The following LRBA variants were observed in gnomAD, a reference collection of about 807,000 sequenced individuals.
LRBA encodes LPS responsive beige-like anchor protein.
Under a neutral mutation model 330.0 loss-of-function variants are expected in LRBA, and 176 were observed. That is an observed-to-expected ratio of 0.53 (90% CI 0.47 to 0.60). The LOEUF (loss-of-function observed/expected upper bound fraction) is 0.60, where lower values mean the gene tolerates loss of function less well. Among genes scored for constraint, LRBA ranks in the 20% least tolerant of loss-of-function variants. The pLI is 0.00. For synonymous variants in LRBA, 1,230 were observed against 1,193.0 expected (o/e 1.03, Z -0.64); for missense variants, 3,259 against 3,444.8 (o/e 0.95, Z 1.35).
At chr4:150,331,664 T>C (rs940798826) in intron 48 of LRBA, among the ~76,000 whole-genome samples, 3 of 152,176 alleles carry the variant, frequency 2.0e-5, no homozygotes, top group Non-Finnish European at 4.4e-5. Context: ...TAAAAGTATC[T>C]TACAATGACC....
Position 150,908,610 on chromosome 4 carries a change from C to T in LRBA, c.1359+50G>A, listed in dbSNP as rs749541769. 1.2e-5 allele frequency: 18 copies of T among 1,521,796 alleles called. No homozygotes were observed. The African/African-American group carries it at 2.4e-4, about 20-fold the overall frequency. 94.3% of individuals were successfully genotyped at this position (1,521,796 alleles called of 1,614,324 possible). On this transcript the variant is annotated intron_variant, in intron 10 of 56. Transcript: ENST00000651943. ...GAAGCTACCAAATACATCTCAATAA[C>T]ACATCAAAAATTACCATTATAAATG...
intron 46 of LRBA, among the ~76,000 whole-genome samples, chr4:150,422,440 G>C (rs950326688): frequency 6.6e-6 from 1 of 151,890 alleles, no homozygotes; most frequent in African/African-American, 2.4e-5. Flanking sequence ...TTAACAACTA[G>C]AAAAGGAAGA....
Position 150,479,279 on chromosome 4 carries a change from T to TA in LRBA, c.6552-7541dup, listed in dbSNP as rs1382416042. Among the ~76,000 whole-genome samples the TA allele has an allele frequency of 7.3e-5, 11 of 150,668 alleles. No homozygotes were observed. The South Asian group carries it at 8.4e-4, about 11-fold the overall frequency. ...GGGTGACATAGCAAGACCCTGCCTT[T>TA]AAAAAAAAAGGACATCTAGCTTTAA... On this transcript the variant is annotated intron_variant, in intron 42 of 56. Transcript: ENST00000651943.
chr4:150,683,207 T>C (rs2126914282), intron 37 of LRBA, among the ~76,000 whole-genome samples: 1 of 152,258 alleles, frequency 6.6e-6, no homozygotes, highest in Non-Finnish European at 1.5e-5. Flanking sequence ...AAAATTTGGC[T>C]ATAAGTGTAG....
intron 35 of LRBA, among the ~76,000 whole-genome samples, chr4:150,752,288 G>A (rs747532765): frequency 3.3e-5 from 5 of 151,928 alleles, no homozygotes; most frequent in African/African-American, 7.2e-5. Flanking sequence ...ATCTCTCTCT[G>A]TCTCTCACCC....
At chr4:150,739,781 C>T (rs933599733) in intron 35 of LRBA, among the ~76,000 whole-genome samples, 4 of 152,094 alleles carry the variant, frequency 2.6e-5, no homozygotes, top group Admixed American at 2.0e-4. Flanking sequence ...GACAACAGCC[C>T]GCAAAGAATT....
intron 40 of LRBA, among the ~76,000 whole-genome samples, chr4:150,547,971 AG>A (rs1766057334): frequency 1.3e-5 from 2 of 152,170 alleles, no homozygotes; most frequent in South Asian, 4.1e-4. Flanking sequence ...TTACAATGCC[AG>A]GGAACAAATG....
chr4:150,724,903 T>TACATATATATATGTATATATAC (rs1553946795), intron 36 of LRBA, among the ~76,000 whole-genome samples: 7 of 145,532 alleles, frequency 4.8e-5, no homozygotes, highest in African/African-American at 1.8e-4. Flanking sequence ...TGTATATATA[T>TACATATATATATGTATATATAC]ACACACACAC....
intron 48 of LRBA, among the ~76,000 whole-genome samples, chr4:150,329,242 C>T (rs1237798226): frequency 6.6e-6 from 1 of 152,154 alleles, no homozygotes; most frequent in East Asian, 1.9e-4. Flanking sequence ...ACGAACCTTT[C>T]AGTTCTTGAT....
At chr4:150,420,030 A>G (rs1748416945) in intron 46 of LRBA, among the ~76,000 whole-genome samples, 1 of 150,716 alleles carries the variant, frequency 6.6e-6, no homozygotes, top group Admixed American at 6.6e-5. Context: ...TGTTTCCAGG[A>G]GTTCAAGACC....
intron 51 of LRBA, 99 bp downstream of exon 51, chr4:150,315,462 C>T (rs1731598303): frequency 1.0e-6 from 1 of 1,000,912 alleles, no homozygotes; most frequent in South Asian, 1.3e-5. Context: ...AGGAAAATTC[C>T]ATTCCCAGCA....
chr4:150,420,378 C>CATTATAGTATAAAGTATATATAAT (rs1748522723), intron 46 of LRBA, among the ~76,000 whole-genome samples: 1 of 128,086 alleles, frequency 7.8e-6, no homozygotes, highest in African/African-American at 3.1e-5. Context: ...ATATATAATA[C>CATTATAGTATAAAGTATATATAAT]ACATTATAGT....
intron 31 of LRBA, among the ~76,000 whole-genome samples, chr4:150,815,353 G>GA (rs751501832): frequency 0.038 from 4,810 of 127,022 alleles, 205 homozygotes; most frequent in African/African-American, 0.12. Flanking sequence ...TTCTCCAAAG[G>GA]AAAAAAAAAA....
At chr4:150,773,201 C>T (rs192766500) in intron 34 of LRBA, among the ~76,000 whole-genome samples, 49 of 152,226 alleles carry the variant, frequency 3.2e-4, no homozygotes, top group Admixed American at 2.4e-3. Context: ...ATGTAATGGA[C>T]GACTGTGATT....
intron 53 of LRBA, among the ~76,000 whole-genome samples, chr4:150,295,549 ACATT>A (rs1728881516): frequency 6.6e-6 from 1 of 152,176 alleles, no homozygotes; most frequent in African/African-American, 2.4e-5. Context: ...TCATTATAAA[ACATT>A]CAGATACTTC....
At chr4:150,392,284 T>C (rs772378567) in intron 47 of LRBA, among the ~76,000 whole-genome samples, 8 of 152,166 alleles carry the variant, frequency 5.3e-5, no homozygotes, top group Non-Finnish European at 1.2e-4. Context: ...GGTACCAACA[T>C]GGCCAGTTTC....
Position 150,785,466 on chromosome 4 carries a change from G to C in LRBA, c.5580+12615C>G, listed in dbSNP as rs559408555. Among the ~76,000 whole-genome samples the C allele has an allele frequency of 2.0e-5, 3 of 152,302 alleles. No individual in the cohort carries two copies. The South Asian group carries it at 6.2e-4, about 32-fold the overall frequency. ...GCCTTTCATTCATTTTACAAGAACA[G>C]TCTAGCTTTTGGGAAGGGCTACTAT... is the stretch of plus-strand genomic sequence containing the variant. On this transcript the variant is annotated intron_variant, in intron 34 of 56. Coordinates refer to ENST00000651943, the MANE Select transcript of LRBA (RefSeq NM_001364905.1).
chr4:150,422,231 A>C (rs902922941), intron 46 of LRBA, among the ~76,000 whole-genome samples: 1 of 152,144 alleles, frequency 6.6e-6, no homozygotes, highest in Admixed American at 6.5e-5. Flanking sequence ...CTGGCACCCT[A>C]GCCTAGGAAA....
intron 40 of LRBA, among the ~76,000 whole-genome samples, chr4:150,497,433 C>T (rs945325562): frequency 2.0e-5 from 3 of 152,106 alleles, no homozygotes; most frequent in African/African-American, 4.8e-5. Context: ...TATCCATGAA[C>T]ACTTAGAATG....
Sources: gnomAD v4.1 joint callset for allele counts (sites outside exome capture counted in the v4.1 genomes callset) on GRCh38, gnomAD v4.1.1 for gene constraint, MANE v1.5 for transcripts, NCBI Gene and HGNC (gene_info 2026-07-23, HGNC 2026-07-21) for gene names.